The following RFX7 variants were observed in gnomAD, a reference collection of about 807,000 sequenced individuals.
The protein encoded by RFX7 is DNA-binding protein RFX7.
Under a neutral mutation model 111.8 loss-of-function variants are expected in RFX7, and 26 were observed. The observed-to-expected ratio is 0.23, with a 90% CI of 0.17 to 0.32. RFX7 has a LOEUF of 0.32. Among genes scored for constraint, RFX7 ranks in the 10% least tolerant of loss-of-function variants. The pLI, the probability that RFX7 is intolerant of heterozygous loss-of-function variation, is 1.00. For synonymous variants in RFX7, 624 were observed against 624.4 expected, an observed-to-expected ratio of 1.00 and a Z score of 0.01; for missense variants, 1,573 against 1,772.9, an observed-to-expected ratio of 0.89 and a Z score of 2.02.
At chr15:56,150,152 G>C (rs2042548654) in intron 3 of RFX7, among the ~76,000 whole-genome samples, 1 of 152,226 alleles carries the variant, frequency 6.6e-6, no homozygotes, top group African/African-American at 2.4e-5. Context: ...GCTCAGCAAG[G>C]CTGCGGTGGC....
chr15:56,161,153 T>C (rs1331639262), intron 3 of RFX7, among the ~76,000 whole-genome samples: 1 of 152,104 alleles, frequency 6.6e-6, no homozygotes, highest in Non-Finnish European at 1.5e-5. Flanking sequence ...GGAAAAGTGA[T>C]GCAATGCTGA....
chr15:56,196,307 C>T (rs1480358327), intron 2 of RFX7, among the ~76,000 whole-genome samples: 3 of 152,026 alleles, frequency 2.0e-5, no homozygotes, highest in African/African-American at 7.3e-5. Flanking sequence ...ATTCCTTTCT[C>T]AGTGGTGACC....
intron 2 of RFX7, among the ~76,000 whole-genome samples, chr15:56,226,806 A>T (rs934912486): frequency 1.3e-5 from 2 of 152,168 alleles, no homozygotes; most frequent in East Asian, 3.9e-4. Flanking sequence ...TGAAAGCTAT[A>T]AATAGCTGAA....
intron 2 of RFX7, among the ~76,000 whole-genome samples, chr15:56,220,438 G>A (rs1449448373): frequency 6.6e-6 from 1 of 151,940 alleles, no homozygotes; most frequent in East Asian, 1.9e-4. Context: ...CATCATGTTG[G>A]CCAGGCTGGT....
intron 7 of RFX7, 23 bp from the exon 8 acceptor site, chr15:56,101,589 G>A (rs1366410784): frequency 6.3e-7 from 1 of 1,586,582 alleles, no homozygotes. Flanking sequence ...AAAAGGAAAT[G>A]TTAACTTGTA....
intron 2 of RFX7, among the ~76,000 whole-genome samples, chr15:56,224,325 T>C (rs1248881641): frequency 6.6e-6 from 1 of 152,078 alleles, no homozygotes; most frequent in Non-Finnish European, 1.5e-5. Context: ...TAATGTAAAC[T>C]GTTCATCTCA....
Position 56,179,307 on chromosome 15 carries a change from A to T in RFX7, c.162-4T>A. 1.6e-6 allele frequency: 2 copies of T among 1,270,340 alleles called. No homozygotes were observed. Among genetic ancestry groups the T allele is most frequent in the Non-Finnish European group, 2.1e-6 (2 of 958,962 alleles). The allele number at this position is 1,270,340 out of a possible 1,614,324, so 78.7% of individuals were successfully genotyped here. A position where few individuals can be genotyped will look rare whatever the true frequency, so the allele number is the denominator to read the frequency against. ...CACTTTAGATTGTACAGTTTTGCTA[A>T]AAGAAAGAGAAAGTTAGGTTAGTAA... On this transcript the variant is annotated splice_region_variant and splice_polypyrimidine_tract_variant and intron_variant, in intron 2 of 9. Coordinates refer to ENST00000559447, the MANE Select transcript of RFX7 (RefSeq NM_022841.7).
At chr15:56,173,257 A>T (rs912684747) in intron 3 of RFX7, among the ~76,000 whole-genome samples, 4 of 152,216 alleles carry the variant, frequency 2.6e-5, no homozygotes, top group Non-Finnish European at 5.9e-5. Flanking sequence ...CTGGGCAAAG[A>T]GCTACCAGGG....
chr15:56,135,020 G>T lies in RFX7; in HGVS notation c.401+7758C>A, dbSNP rs1456905642. Among the ~76,000 whole-genome samples, 4 of 152,258 alleles carry T rather than the reference G, an allele frequency of 2.6e-5. No individual in the cohort carries two copies. In the East Asian group the frequency reaches 7.7e-4, roughly 29 times the overall value. On this transcript the variant is annotated intron_variant, in intron 5 of 9. Coordinates refer to ENST00000559447, the MANE Select transcript of RFX7 (RefSeq NM_022841.7). Reference sequence around the variant, plus strand: ...TTCTTAATCCGGTCTATCATTGTTGGACATTTGGGTTGGTTCCAAGTCTTT... The same window carrying T: ...TTCTTAATCCGGTCTATCATTGTTGTACATTTGGGTTGGTTCCAAGTCTTT...
chr15:56,134,110 G>A lies in RFX7; in HGVS notation c.401+8668C>T, dbSNP rs548134296. ...GTTTGATATTACTCAACTTTAACAC[G>A]CTTACCTTCTTAACCTATTATGAAC... is the stretch of plus-strand genomic sequence containing the variant. On this transcript the variant is annotated intron_variant, in intron 5 of 9. Coordinates refer to ENST00000559447, the MANE Select transcript of RFX7 (RefSeq NM_022841.7). Among the ~76,000 whole-genome samples the A allele has an allele frequency of 3.9e-5, 6 of 152,136 alleles. No homozygotes were observed. The East Asian group carries it at 7.7e-4, about 20-fold the overall frequency.
chr15:56,133,447 T>C (rs1394714943), intron 5 of RFX7, among the ~76,000 whole-genome samples: 2 of 152,082 alleles, frequency 1.3e-5, no homozygotes, highest in Non-Finnish European at 1.5e-5. Context: ...AAAGGGTCCA[T>C]ACACAACAGG....
intron 3 of RFX7, among the ~76,000 whole-genome samples, chr15:56,165,171 G>A (rs1054976536): frequency 6.6e-6 from 1 of 152,168 alleles, no homozygotes; most frequent in Non-Finnish European, 1.5e-5. Flanking sequence ...CGGAGCTCAG[G>A]CAGTAATGCT....
At chr15:56,098,047 C>T in intron 9 of RFX7, 34 bp downstream of exon 9, 1 of 1,589,568 alleles carries the variant, frequency 6.3e-7, no homozygotes, top group Non-Finnish European at 8.6e-7. Flanking sequence ...TTCCCACCAT[C>T]CCAATAAGGC....
Position 56,243,841 on chromosome 15 carries a change from T to C in RFX7, c.-399A>G, listed in dbSNP as rs1226656712. On this transcript the variant is annotated 5_prime_UTR_variant, in exon 1 of 10. Transcript: ENST00000559447. The stretch of plus-strand genomic sequence containing the variant: ...GCCCCGCCGCCGCCGCGGCCGCCGC[T>C]GCCCTGCCAGCCCCGGAGGCAGCCC... Among the ~76,000 whole-genome samples, 2 of 147,276 alleles carry C rather than the reference T, an allele frequency of 1.4e-5. No homozygotes were observed. The highest frequency in any genetic ancestry group is 3.0e-5 in the Non-Finnish European group (2 of 66,128).
Position 56,094,877 on chromosome 15 carries a change from T to A in RFX7, c.2851A>T (p.Thr951Ser). ...NGTPIHTPTPTPTPTPTPTPT... is the reference protein window; with the variant it reads ...NGTPIHTPTPSPTPTPTPTPT... ...GTTGGAGTAGGAGTGGGTGTGGGTG[T>A]GGGTGTGGGTGTGTGGATTGGAGTG... The change falls in exon 10 of 10, where the codon ACA (threonine) becomes TCA (serine). Residue 951 changes from threonine (T) to serine (S), a missense_variant. Around this residue, in one of 7 missense-constraint regions of RFX7, gnomAD observed 625 missense variants for 632.2 expected, o/e 0.99. Coordinates refer to ENST00000559447, the MANE Select transcript of RFX7 (RefSeq NM_022841.7). The A allele has an allele frequency of 1.3e-6, 2 of 1,555,008 alleles. No individual in the cohort carries two copies. Among genetic ancestry groups the A allele is most frequent in the Middle Eastern group, 1.7e-4 (1 of 5,884 alleles).
chr15:56,147,798 C>T (rs2141037276), intron 3 of RFX7, among the ~76,000 whole-genome samples: 1 of 152,312 alleles, frequency 6.6e-6, no homozygotes, highest in East Asian at 1.9e-4. Flanking sequence ...TGGTCTCGAT[C>T]TCCTGACCTC....
In RFX7 at chr15:56,087,518, A is replaced by T. The variant is rs1333400752; in HGVS notation, c.*5827T>A. 2 of 456,730 alleles carry T rather than the reference A, an allele frequency of 4.4e-6. No individual in the cohort carries two copies. Among genetic ancestry groups the T allele is most frequent in the Non-Finnish European group, 8.8e-6 (2 of 226,976 alleles). The allele number at this position is 456,730 out of a possible 1,614,324, so 28.3% of individuals were successfully genotyped here. A position where few individuals can be genotyped will look rare whatever the true frequency, so the allele number is the denominator to read the frequency against. ...GAGGAAGGACAAGAACACTGCAAAG[A>T]AGTAGCACCCAAACCTTTTGGTTAC... On this transcript the variant is annotated 3_prime_UTR_variant, in exon 10 of 10. Transcript: ENST00000559447.
At chr15:56,109,723 C>A (rs2140931533) in intron 5 of RFX7, among the ~76,000 whole-genome samples, 1 of 151,884 alleles carries the variant, frequency 6.6e-6, no homozygotes, top group South Asian at 2.1e-4. Flanking sequence ...TGAGGAGCGT[C>A]TCTGCCCGGC....
chr15:56,229,589 T>G (rs560549481), intron 2 of RFX7, among the ~76,000 whole-genome samples: 2 of 152,288 alleles, frequency 1.3e-5, no homozygotes, highest in Admixed American at 6.5e-5. Flanking sequence ...AACTTCGGTT[T>G]CAGTTAGAGA....
Sources: gnomAD v4.1 joint callset for allele counts (sites outside exome capture counted in the v4.1 genomes callset) on GRCh38, gnomAD v4.1.1 for gene constraint, gnomAD v4.1.1 regional missense constraint, MANE v1.5 for transcripts, NCBI Gene and HGNC (gene_info 2026-07-23, HGNC 2026-07-21) for gene names.